The following GALNTL6 variants were observed in gnomAD, a reference collection of about 807,000 sequenced individuals.
GALNTL6 encodes polypeptide N-acetylgalactosaminyltransferase-like 6.
A neutral mutation model predicts 73.7 loss-of-function variants in GALNTL6; 46 were observed. The observed-to-expected ratio is 0.62, with a 90% CI of 0.49 to 0.80. GALNTL6 has a LOEUF of 0.80. Ranked by LOEUF, GALNTL6 falls within the 30% of genes least tolerant of loss-of-function variation. GALNTL6 has a pLI of 0.00. For synonymous variants in GALNTL6, 259 were observed against 263.7 expected, an observed-to-expected ratio of 0.98 and a Z score of 0.17; for missense variants, 604 against 755.0, an observed-to-expected ratio of 0.80 and a Z score of 2.34.
At position 172,230,535 on chromosome 4, in the gene GALNTL6, C is replaced by A. The variant is rs372391271; in HGVS notation, c.247+771C>A. ...GGTGGAGCTTGCAGTGAGCCGAGAT[C>A]GCACCACTGCACTCCAGCCGGGCGA... On this transcript the variant is annotated intron_variant, in intron 3 of 12. Transcript: ENST00000506823. 4.0e-5 allele frequency among the ~76,000 whole-genome samples: 6 copies of A among 150,040 alleles called. No individual in the cohort carries two copies. The South Asian group carries it at 1.3e-3, about 32-fold the overall frequency.
intron 5 of GALNTL6, among the ~76,000 whole-genome samples, chr4:172,718,476 A>C (rs371963120): frequency 6.6e-6 from 1 of 152,148 alleles, no homozygotes; most frequent in South Asian, 2.1e-4. Flanking sequence ...TAAAAAAAAA[A>C]TTAAAAAACA....
chr4:172,063,445 G>A (rs183345350), intron 2 of GALNTL6, among the ~76,000 whole-genome samples: 1 of 151,306 alleles, frequency 6.6e-6, no homozygotes, highest in Admixed American at 6.6e-5. Flanking sequence ...GTTATTTCTA[G>A]TTTTTTCTAT....
intron 5 of GALNTL6, among the ~76,000 whole-genome samples, chr4:172,758,842 T>C (rs1348407835): frequency 1.3e-5 from 2 of 152,182 alleles, no homozygotes; most frequent in Non-Finnish European, 2.9e-5. Context: ...TCATAGTATA[T>C]ATAAGGCTCA....
At chr4:172,585,291 A>G (rs1032688690) in intron 5 of GALNTL6, among the ~76,000 whole-genome samples, 1 of 152,018 alleles carries the variant, frequency 6.6e-6, no homozygotes, top group African/African-American at 2.4e-5. Context: ...CAGAACATGC[A>G]GGTTTGTTAC....
chr4:173,033,966 T>C (rs1181879820), intron 12 of GALNTL6, among the ~76,000 whole-genome samples: 1 of 152,170 alleles, frequency 6.6e-6, no homozygotes, highest in African/African-American at 2.4e-5. Context: ...AACTTTGATG[T>C]CTCGTAAGCA....
intron 2 of GALNTL6, among the ~76,000 whole-genome samples, chr4:171,839,099 A>C (rs906610917): frequency 2.0e-5 from 3 of 152,094 alleles, no homozygotes; most frequent in Non-Finnish European, 4.4e-5. Context: ...CAGATAACAT[A>C]GGTTATAGAA....
intron 5 of GALNTL6, among the ~76,000 whole-genome samples, chr4:172,679,017 T>G (rs114470167): frequency 0.01 from 1,530 of 152,324 alleles, 26 homozygotes; most frequent in African/African-American, 0.035. Context: ...TGGGCATGGC[T>G]GTGTTCCAAT....
chr4:172,336,589 A>G (rs1273385820), intron 4 of GALNTL6, among the ~76,000 whole-genome samples: 5 of 151,828 alleles, frequency 3.3e-5, no homozygotes, highest in Non-Finnish European at 7.4e-5. Flanking sequence ...TTCTATTTTT[A>G]TTCCTGTGGT....
At chr4:172,567,817 G>A (rs896340538) in intron 5 of GALNTL6, among the ~76,000 whole-genome samples, 3 of 152,114 alleles carry the variant, frequency 2.0e-5, no homozygotes, top group Non-Finnish European at 2.9e-5. Context: ...ACCTGGGTGA[G>A]ATAGTTGGAG....
At chr4:172,412,218 A>C (rs1316789991) in intron 5 of GALNTL6, among the ~76,000 whole-genome samples, 4 of 151,978 alleles carry the variant, frequency 2.6e-5, no homozygotes, top group African/African-American at 9.7e-5. Context: ...TAATTTTTCT[A>C]TTTTTAATAG....
intron 7 of GALNTL6, among the ~76,000 whole-genome samples, chr4:172,817,476 G>T (rs1375438593): frequency 6.6e-6 from 1 of 152,068 alleles, no homozygotes; most frequent in Non-Finnish European, 1.5e-5. Flanking sequence ...TATTATTAAG[G>T]AAGAAACCAG....
intron 2 of GALNTL6, among the ~76,000 whole-genome samples, chr4:172,101,296 A>G (rs1732510165): frequency 6.6e-6 from 1 of 152,168 alleles, no homozygotes; most frequent in Non-Finnish European, 1.5e-5. Context: ...TCCAATCCAT[A>G]GCTATAAAGT....
chr4:172,427,380 C>A (rs184067758), intron 5 of GALNTL6, among the ~76,000 whole-genome samples: 2 of 152,024 alleles, frequency 1.3e-5, no homozygotes, highest in South Asian at 2.1e-4. Context: ...TTCTCTATTA[C>A]GAGAACAGCA....
At chr4:172,088,384 T>C (rs867331902) in intron 2 of GALNTL6, among the ~76,000 whole-genome samples, 5 of 152,342 alleles carry the variant, frequency 3.3e-5, no homozygotes, top group South Asian at 2.1e-4. Flanking sequence ...GCATACAAAT[T>C]AATTTTAATG....
chr4:172,424,996 A>G (rs1309236001), intron 5 of GALNTL6, among the ~76,000 whole-genome samples: 2 of 152,112 alleles, frequency 1.3e-5, no homozygotes, highest in Non-Finnish European at 1.5e-5. Flanking sequence ...AACTCCCAAC[A>G]TTATTATGAG....
intron 10 of GALNTL6, among the ~76,000 whole-genome samples, chr4:172,984,268 AG>A (rs1443822939): frequency 6.6e-6 from 1 of 152,228 alleles, no homozygotes; most frequent in African/African-American, 2.4e-5. Flanking sequence ...GAGAGGCCTC[AG>A]AAAACTTACA....
Position 172,983,384 on chromosome 4 carries a change from C to G in GALNTL6, c.1372-25794C>G, listed in dbSNP as rs28485019. Among the ~76,000 whole-genome samples, 1,378 of 152,236 alleles carry G rather than the reference C, an allele frequency of 9.1e-3. 28 individuals carry two copies. Among genetic ancestry groups the G allele is most frequent in the African/African-American group, 0.031 (1,308 of 41,528 alleles). On this transcript the variant is annotated intron_variant, in intron 10 of 12. Coordinates refer to ENST00000506823, the MANE Select transcript of GALNTL6 (RefSeq NM_001034845.3). ...CAGCAGCCACAGGAAACTAAGACAC[C>G]TTGTTTCCTCATTCAAAATATGAAT...
intron 5 of GALNTL6, among the ~76,000 whole-genome samples, chr4:172,354,489 T>C (rs187906683): frequency 6.6e-6 from 1 of 152,080 alleles, no homozygotes; most frequent in Admixed American, 6.6e-5. Context: ...GTTAACAAAT[T>C]GCTTTAACAT....
rs138527231 is a variant in GALNTL6 at position 172,885,352 on chromosome 4, T to A, written c.1041+2445T>A. Among the ~76,000 whole-genome samples the A allele has an allele frequency of 2.4e-3, 364 of 152,306 alleles. 1 individual carries two copies. The highest frequency in any genetic ancestry group is 8.5e-3 in the African/African-American group (354 of 41,584). Reference sequence around the variant, plus strand: ...CTTTAGTTAAATTTATTCTTAGGTATTTTTAAGCTATTATAAATGGGATTG... The same window carrying A: ...CTTTAGTTAAATTTATTCTTAGGTAATTTTAAGCTATTATAAATGGGATTG... On this transcript the variant is annotated intron_variant, in intron 8 of 12. Transcript: ENST00000506823.
Sources: gnomAD v4.1 joint callset for allele counts (sites outside exome capture counted in the v4.1 genomes callset) on GRCh38, gnomAD v4.1.1 for gene constraint, MANE v1.5 for transcripts, NCBI Gene and HGNC (gene_info 2026-07-23, HGNC 2026-07-21) for gene names.